RAD51B: variants seen among roughly 807,000 people sequenced by gnomAD.
RAD51B encodes the protein DNA repair protein RAD51 homolog 2.
RAD51B carries 38 observed loss-of-function variants against 42.2 expected under a neutral mutation model. That is an observed-to-expected ratio of 0.90 (90% CI 0.70 to 1.18). The LOEUF (loss-of-function observed/expected upper bound fraction) is 1.18, where lower values mean the gene tolerates loss of function less well. RAD51B is among the 50% of genes most tolerant of loss of function. The probability of loss-of-function intolerance (pLI) is 0.00; values close to 1 mark genes in which losing one functional copy is unlikely to be tolerated. For synonymous variants in RAD51B, 154 were observed against 145.2 expected (o/e 1.06, Z -0.43); for missense variants, 373 against 400.7 (o/e 0.93, Z 0.59).
intron 8 of RAD51B, among the ~76,000 whole-genome samples, chr14:68,369,750 A>G (rs1259525501): frequency 6.6e-6 from 1 of 152,240 alleles, no homozygotes; most frequent in Non-Finnish European, 1.5e-5. Context: ...AGCTCAGTAC[A>G]GGTTGCTGAG....
intron 10 of RAD51B, among the ~76,000 whole-genome samples, chr14:68,520,731 G>A (rs1886517581): frequency 1.3e-5 from 2 of 152,294 alleles, no homozygotes; most frequent in South Asian, 4.2e-4. Flanking sequence ...GTGCCAGTTA[G>A]GGTGTGGGGA....
intron 7 of RAD51B, among the ~76,000 whole-genome samples, chr14:68,003,577 G>T (rs1180117035): frequency 6.6e-6 from 1 of 152,202 alleles, no homozygotes; most frequent in Non-Finnish European, 1.5e-5. Flanking sequence ...AGGTGAGAGA[G>T]GGCATCCTTG....
intron 7 of RAD51B, among the ~76,000 whole-genome samples, chr14:67,910,405 CAAAAAAAAAAAAAAAAAAAAAAAAA>C (rs576632132): frequency 1.1e-4 from 1 of 9,038 alleles, no homozygotes; most frequent in East Asian, 3.7e-3. Context: ...GACTCTGTCT[CAAAAAAAAAAAAAAAAAAAAAAAAA>C]AAAAAAAAAA....
chr14:67,925,642 T>C (rs1010185103), intron 7 of RAD51B, among the ~76,000 whole-genome samples: 1 of 152,158 alleles, frequency 6.6e-6, no homozygotes, highest in African/African-American at 2.4e-5. Flanking sequence ...TGCTCCCCAG[T>C]AGGGACTCTG....
chr14:67,822,735 C>CTA (rs1427130511), intron 1 of RAD51B, among the ~76,000 whole-genome samples: 11 of 151,802 alleles, frequency 7.2e-5, no homozygotes, highest in African/African-American at 2.4e-4. Flanking sequence ...CTCTCTCTCT[C>CTA]TCTCTATATA....
chr14:68,439,984 G>C (rs894577161), intron 9 of RAD51B, among the ~76,000 whole-genome samples: 6 of 152,220 alleles, frequency 3.9e-5, no homozygotes, highest in Admixed American at 3.9e-4. Flanking sequence ...ACATGGAGCA[G>C]AGGAACAGCT....
intron 7 of RAD51B, among the ~76,000 whole-genome samples, chr14:67,997,880 C>A (rs2075413393): frequency 6.6e-6 from 1 of 151,984 alleles, no homozygotes; most frequent in Non-Finnish European, 1.5e-5. Flanking sequence ...GCTATTAATC[C>A]CATTATTAAT....
At chr14:68,609,441 C>T (rs1478427869) in intron 10 of RAD51B, among the ~76,000 whole-genome samples, 2 of 152,168 alleles carry the variant, frequency 1.3e-5, no homozygotes, top group Non-Finnish European at 2.9e-5. Flanking sequence ...TCCTCTCACC[C>T]CCCTCAGAGC....
chr14:68,084,376 T>G lies in RAD51B; in HGVS notation c.756+197172T>G, dbSNP rs533874936. Among the ~76,000 whole-genome samples the G allele has an allele frequency of 2.6e-5, 4 of 152,294 alleles. No individual in the cohort carries two copies. The South Asian group carries it at 8.3e-4, about 32-fold the overall frequency. On this transcript the variant is annotated intron_variant, in intron 7 of 10. Transcript: ENST00000471583. ...GACCTCTGGGGCACTATGGACATTTTGTACTAGATAATTCCTTGTCACTGG... is the reference window on the plus strand; with the variant it reads ...GACCTCTGGGGCACTATGGACATTTGGTACTAGATAATTCCTTGTCACTGG...
intron 7 of RAD51B, among the ~76,000 whole-genome samples, chr14:67,950,244 A>G (rs1300707898): frequency 1.3e-5 from 2 of 152,188 alleles, no homozygotes; most frequent in Non-Finnish European, 2.9e-5. Flanking sequence ...TTTTATCTGT[A>G]TGGAAAATCT....
chr14:68,103,570 G>C (rs183359471), intron 7 of RAD51B, among the ~76,000 whole-genome samples: 1 of 152,088 alleles, frequency 6.6e-6, no homozygotes, highest in Admixed American at 6.6e-5. Context: ...TAACTATTTC[G>C]TTATAATGTT....
In RAD51B at chr14:68,305,129, A is replaced by G. The variant is rs2081833581; in HGVS notation, c.853+13149A>G. ...CCCTACATCCCGTTGAGTCATTGTG[A>G]TGTATTCCCACCACTTGGTATAGTT... On this transcript the variant is annotated intron_variant, in intron 8 of 10. Coordinates refer to ENST00000471583, the MANE Select transcript of RAD51B (RefSeq NM_133510.4). Among the ~76,000 whole-genome samples, 4 of 152,176 alleles carry G rather than the reference A, an allele frequency of 2.6e-5. No individual in the cohort carries two copies. In the South Asian group the frequency reaches 8.3e-4, roughly 31 times the overall value.
At chr14:67,911,542 T>C (rs1028389469) in intron 7 of RAD51B, among the ~76,000 whole-genome samples, 19 of 152,180 alleles carry the variant, frequency 1.2e-4, no homozygotes, top group African/African-American at 4.6e-4. Flanking sequence ...TTGTGAATAT[T>C]GGAGGGGTGC....
intron 10 of RAD51B, among the ~76,000 whole-genome samples, chr14:68,512,886 T>C (rs1417824751): frequency 6.6e-6 from 1 of 151,824 alleles, no homozygotes; most frequent in Non-Finnish European, 1.5e-5. Flanking sequence ...AGAGGTGACA[T>C]TTGAGCAGAG....
chr14:68,610,011 A>G (rs1412282396), intron 10 of RAD51B, among the ~76,000 whole-genome samples: 1 of 151,592 alleles, frequency 6.6e-6, no homozygotes, highest in Non-Finnish European at 1.5e-5. Flanking sequence ...CCGCGTCCAC[A>G]TCTTCAGCCA....
intron 9 of RAD51B, among the ~76,000 whole-genome samples, chr14:68,467,609 G>A (rs2086016815): frequency 6.6e-6 from 1 of 152,234 alleles, no homozygotes; most frequent in African/African-American, 2.4e-5. Context: ...CATGCCACCT[G>A]GCAAGTCATA....
intron 7 of RAD51B, among the ~76,000 whole-genome samples, chr14:68,048,167 A>G (rs1461142107): frequency 6.6e-6 from 1 of 152,198 alleles, no homozygotes; most frequent in Non-Finnish European, 1.5e-5. Flanking sequence ...GCCCGCCTAA[A>G]GCTTATATAA....
At chr14:68,526,252 G>A (rs1886922770) in intron 10 of RAD51B, among the ~76,000 whole-genome samples, 1 of 152,172 alleles carries the variant, frequency 6.6e-6, no homozygotes, top group Non-Finnish European at 1.5e-5. Context: ...GCTTGTTCGT[G>A]CTTTGCCACA....
intron 7 of RAD51B, among the ~76,000 whole-genome samples, chr14:67,954,749 T>C (rs1422623264): frequency 6.6e-6 from 1 of 152,202 alleles, no homozygotes; most frequent in African/African-American, 2.4e-5. Context: ...GGGAAGACTT[T>C]TTTCTTTTCT....
Sources: gnomAD v4.1 joint callset for allele counts (sites outside exome capture counted in the v4.1 genomes callset) on GRCh38, gnomAD v4.1.1 for gene constraint, MANE v1.5 for transcripts, NCBI Gene and HGNC (gene_info 2026-07-23, HGNC 2026-07-21) for gene names.